Variants in CUBN observed in about 807,000 individuals in gnomAD.
CUBN encodes the protein cubilin.
Under a neutral mutation model 405.3 loss-of-function variants are expected in CUBN, and 282 were observed. That is an observed-to-expected ratio of 0.70 (90% CI 0.63 to 0.77). The LOEUF (loss-of-function observed/expected upper bound fraction) is 0.77. Ranked by LOEUF, CUBN falls within the 30% of genes least tolerant of loss-of-function variation. The pLI is 0.00. For synonymous variants in CUBN, 1,684 were observed against 1,617.0 expected (o/e 1.04, Z -0.99); for missense variants, 4,514 against 4,475.2 (o/e 1.01, Z -0.25).
At chr10:17,052,532 A>C (rs563802465) in intron 22 of CUBN, among the ~76,000 whole-genome samples, 90 of 150,654 alleles carry the variant, frequency 6.0e-4, no homozygotes, top group African/African-American at 2.1e-3. Flanking sequence ...CGAGGTGGGC[A>C]GATCACCTGA....
At position 16,893,827 on chromosome 10, in the gene CUBN, C is replaced by T. The variant is rs1297607337; in HGVS notation, c.8599-3300G>A. Among the ~76,000 whole-genome samples the T allele has an allele frequency of 2.0e-5, 3 of 152,116 alleles. 1 individual carries two copies. Among genetic ancestry groups the T allele is most frequent in the South Asian group, 4.1e-4 (2 of 4,830 alleles). On this transcript the variant is annotated intron_variant, in intron 54 of 66. Transcript: ENST00000377833. ...AATAAAGGTGCTATTTATATAGATT[C>T]GTAAACAAGTTTTTGTGTAAACATA...
chr10:17,068,339 T>C (rs1319653244), intron 20 of CUBN, 59 bp from the exon 21 acceptor site: 2 of 1,533,600 alleles, frequency 1.3e-6, no homozygotes, highest in East Asian at 2.3e-5. Context: ...GGATTTCAAA[T>C]TAAAAGGCTC....
intron 29 of CUBN, among the ~76,000 whole-genome samples, chr10:16,984,711 T>C (rs1250254402): frequency 7.9e-5 from 12 of 152,230 alleles, no homozygotes; most frequent in Admixed American, 6.5e-4. Context: ...CTGGCACATA[T>C]GATTAGTCTT....
At chr10:16,976,315 T>G (rs1833092857) in intron 31 of CUBN, among the ~76,000 whole-genome samples, 1 of 152,150 alleles carries the variant, frequency 6.6e-6, no homozygotes. Flanking sequence ...ATAGAGTTCC[T>G]GGCCGGTAGT....
chr10:16,972,026 C>A (rs1392104401), intron 31 of CUBN, among the ~76,000 whole-genome samples: 1 of 152,158 alleles, frequency 6.6e-6, no homozygotes, highest in East Asian at 1.9e-4. Flanking sequence ...AATCCTCACG[C>A]TCGTTGGCAT....
intron 59 of CUBN, among the ~76,000 whole-genome samples, chr10:16,867,741 G>A (rs1840227888): frequency 6.6e-6 from 1 of 152,108 alleles, no homozygotes. Context: ...TCAATGACTC[G>A]TGCATAGAGA....
At chr10:17,080,681 C>T (rs1301631514) in intron 17 of CUBN, among the ~76,000 whole-genome samples, 1 of 152,186 alleles carries the variant, frequency 6.6e-6, no homozygotes, top group African/African-American at 2.4e-5. Context: ...ACCTTAACAT[C>T]GTATAGCCTT....
At chr10:16,920,931 A>C (rs1012407878) in intron 43 of CUBN, among the ~76,000 whole-genome samples, 1 of 152,074 alleles carries the variant, frequency 6.6e-6, no homozygotes, top group Non-Finnish European at 1.5e-5. Flanking sequence ...TCATACTTCC[A>C]ACTCCCCCAT....
intron 19 of CUBN, 73 bp downstream of exon 19, chr10:17,071,353 T>G (rs1373601550): frequency 4.6e-5 from 68 of 1,468,732 alleles, no homozygotes; most frequent in Non-Finnish European, 6.2e-5. Flanking sequence ...TATAACAGAT[T>G]TGAAGACAAC....
chr10:16,856,442 G>A (rs1002025333), intron 59 of CUBN, among the ~76,000 whole-genome samples: 2 of 152,160 alleles, frequency 1.3e-5, no homozygotes, highest in African/African-American at 4.8e-5. Context: ...ATAATAAGGA[G>A]TGAGATCCAG....
intron 59 of CUBN, among the ~76,000 whole-genome samples, chr10:16,863,391 A>G (rs916930768): frequency 3.9e-5 from 6 of 152,208 alleles, no homozygotes; most frequent in Admixed American, 1.3e-4. Context: ...ATGACATTCC[A>G]TGGTTGCTTT....
At position 16,906,377 on chromosome 10, in the gene CUBN, C is replaced by G; in HGVS notation, c.7738G>C (p.Gly2580Arg). ...TCATAGCCAGGAGAAGTAAAGTTTC[C>G]TTCAGGAGTATTTGGAAGAGACCCA... ...CGGSLPNTPEGNFTSPGYDGV... is the reference protein window; with the variant it reads ...CGGSLPNTPERNFTSPGYDGV... Residue 2580 changes from glycine to arginine, a missense_variant, in exon 50 of 67, where the codon GGA (glycine) becomes CGA (arginine). Gly to Arg is a moderately radical substitution (Grantham distance 125, BLOSUM62 -2). This residue lies in a region of CUBN where 1,613 missense variants were observed against 1,542.8 expected (regional missense o/e 1.05). Transcript: ENST00000377833. The G allele has an allele frequency of 6.2e-7, 1 of 1,613,926 alleles. No homozygotes were observed. Among genetic ancestry groups the G allele is most frequent in the Non-Finnish European group, 8.5e-7 (1 of 1,179,876 alleles).
In CUBN at chr10:16,920,058, G is replaced by C; in HGVS notation, c.6726C>G (p.Pro2242=). ...VTSPNHPHNY[P]PHADCIWILA... ...AGATCCAAATGCAATCAGCGTGCGG[G>C]GGATAATTATGAGGGTGGTTGGGGG... The change falls in exon 44 of 67, where the codon CCC becomes CCG. Residue 2242 remains proline (P), a synonymous_variant. Transcript: ENST00000377833. 6.2e-7 allele frequency: 1 copy of C among 1,614,022 alleles called. No individual in the cohort carries two copies. The highest frequency in any genetic ancestry group is 8.5e-7 in the Non-Finnish European group (1 of 1,179,976).
In CUBN at chr10:17,123,760, C is replaced by T. The variant is rs940551922; in HGVS notation, c.388-71G>A. On this transcript the variant is annotated intron_variant, in intron 4 of 66. Transcript: ENST00000377833. ...GCAACAAAACGCATGTTACCGTGCACGTGGGATTACATTTAACTCTTAATC... is the reference window on the plus strand; with the variant it reads ...GCAACAAAACGCATGTTACCGTGCATGTGGGATTACATTTAACTCTTAATC... The T allele has an allele frequency of 7.0e-6, 7 of 996,654 alleles. No individual in the cohort carries two copies. In the East Asian group the frequency reaches 7.3e-5, roughly 10 times the overall value. The allele number at this position is 996,654 out of a possible 1,614,324, so 61.7% of individuals were successfully genotyped here. A position where few individuals can be genotyped will look rare whatever the true frequency, so the allele number is the denominator to read the frequency against.
chr10:17,102,089 C>T (rs1836505543), intron 13 of CUBN, among the ~76,000 whole-genome samples: 2 of 152,078 alleles, frequency 1.3e-5, no homozygotes, highest in Non-Finnish European at 2.9e-5. Context: ...TGCAGTCAGT[C>T]AACCAGTGTA....
Position 17,068,136 on chromosome 10 carries a change from A to G in CUBN, c.2936T>C (p.Leu979Pro). ...LIHLMFETFH[L>P]EFHYNCTNDY... ...GTTTGTGCAATTGTAATGAAACTCC[A>G]GATGAAATGTTTCGAACATTAAATG... The change falls in exon 21 of 67, where the codon CTG becomes CCG. Residue 979 changes from leucine (L) to proline (P), a missense_variant. Leu to Pro is a moderately conservative substitution (Grantham distance 98). Coordinates refer to ENST00000377833, the MANE Select transcript of CUBN (RefSeq NM_001081.4). 1 of 1,613,680 alleles carries G rather than the reference A, an allele frequency of 6.2e-7. No individual in the cohort carries two copies. The highest frequency in any genetic ancestry group is 8.5e-7 in the Non-Finnish European group (1 of 1,179,634).
chr10:17,100,361 A>G (rs1836469179), intron 13 of CUBN, 122 bp from the exon 14 acceptor site: 1 of 711,056 alleles, frequency 1.4e-6, no homozygotes, highest in African/African-American at 1.8e-5. Flanking sequence ...ATCATTCCCT[A>G]ATTATCCACC....
intron 13 of CUBN, 91 bp from the exon 14 acceptor site, chr10:17,100,330 G>T: frequency 2.4e-6 from 2 of 816,770 alleles, no homozygotes; most frequent in Non-Finnish European, 4.2e-6. Context: ...TCATACTGAG[G>T]CACTTTCAAG....
chr10:16,849,600 TG>T (rs1454647657), intron 60 of CUBN, among the ~76,000 whole-genome samples: 1 of 152,236 alleles, frequency 6.6e-6, no homozygotes, highest in Non-Finnish European at 1.5e-5. Context: ...AGTGCTCAAA[TG>T]GGTATTCCCT....
Sources: allele counts gnomAD v4.1 joint callset (sites outside exome capture counted in the v4.1 genomes callset), GRCh38; gene constraint gnomAD v4.1.1; regional missense constraint gnomAD v4.1.1; transcripts MANE v1.5; gene names NCBI Gene and HGNC (gene_info 2026-07-23, HGNC 2026-07-21).